The following PXDNL variants were observed in gnomAD, a reference collection of about 807,000 sequenced individuals.
The protein encoded by PXDNL is probable oxidoreductase PXDNL.
Under a neutral mutation model 150.8 loss-of-function variants are expected in PXDNL, and 145 were observed. That is an observed-to-expected ratio of 0.96 (90% CI 0.84 to 1.10). PXDNL has a LOEUF of 1.10. PXDNL is among the 50% of genes least tolerant of loss of function. The pLI, the probability that PXDNL is intolerant of heterozygous loss-of-function variation, is 0.00. For missense variants in PXDNL, 2,087 were observed against 1,873.9 expected (o/e 1.11, Z -2.10); for synonymous variants, 757 against 725.7 (o/e 1.04, Z -0.69).
intron 7 of PXDNL, among the ~76,000 whole-genome samples, chr8:51,473,129 T>A (rs1810383990): frequency 6.6e-6 from 1 of 152,148 alleles, no homozygotes; most frequent in Non-Finnish European, 1.5e-5. Flanking sequence ...AGATAAATGA[T>A]TTTATTCATT....
intron 17 of PXDNL, among the ~76,000 whole-genome samples, chr8:51,394,551 T>C (rs1357808277): frequency 6.6e-6 from 1 of 152,206 alleles, no homozygotes; most frequent in African/African-American, 2.4e-5. Context: ...GGGTGGCTAG[T>C]ATACCCTTGG....
chr8:51,538,595 G>A lies in PXDNL; in HGVS notation c.380+18245C>T, dbSNP rs986398937. ...AGGCTGGCCAACATGATGAAACCTC[G>A]TCTCTACTAAAAATACAAAAAATTA... is the stretch of plus-strand genomic sequence containing the variant. On this transcript the variant is annotated intron_variant, in intron 4 of 22. Transcript: ENST00000356297. Among the ~76,000 whole-genome samples, 13 of 152,010 alleles carry A rather than the reference G, an allele frequency of 8.6e-5. No homozygotes were observed. The Middle Eastern group carries it at 0.01, about 119-fold the overall frequency.
At chr8:51,604,261 A>C (rs1054616377) in intron 2 of PXDNL, among the ~76,000 whole-genome samples, 3 of 152,214 alleles carry the variant, frequency 2.0e-5, no homozygotes, top group Non-Finnish European at 4.4e-5. Context: ...AATGTCCAAC[A>C]ACAATAGACT....
chr8:51,498,285 G>A (rs1228109190), intron 5 of PXDNL, among the ~76,000 whole-genome samples: 2 of 125,612 alleles, frequency 1.6e-5, no homozygotes, highest in African/African-American at 5.9e-5. Flanking sequence ...CTGTTGTGGG[G>A]TCGGGGGAGG....
intron 2 of PXDNL, among the ~76,000 whole-genome samples, chr8:51,620,352 G>A (rs903152050): frequency 9.9e-5 from 15 of 152,082 alleles, no homozygotes; most frequent in African/African-American, 3.6e-4. Context: ...GGAAAATAAA[G>A]AAGTTTCCAA....
intron 1 of PXDNL, among the ~76,000 whole-genome samples, chr8:51,780,367 A>C (rs2037398867): frequency 6.6e-6 from 1 of 152,178 alleles, no homozygotes; most frequent in Non-Finnish European, 1.5e-5. Context: ...TATTTTCTCA[A>C]AGAAAATTCT....
At chr8:51,345,258 T>A (rs1170167385) in intron 20 of PXDNL, among the ~76,000 whole-genome samples, 6 of 152,210 alleles carry the variant, frequency 3.9e-5, no homozygotes, top group African/African-American at 1.4e-4. Flanking sequence ...TTTCAGAAGC[T>A]TCCAAGTCAA....
intron 1 of PXDNL, among the ~76,000 whole-genome samples, chr8:51,753,454 C>T (rs373401688): frequency 6.6e-6 from 1 of 152,160 alleles, no homozygotes; most frequent in East Asian, 1.9e-4. Context: ...ATTTCAAGTG[C>T]TCATAAACTG....
rs1024737333 is a variant in PXDNL, at chr8:51,709,608, A to G, written c.165-54848T>C. ...AAGAAACTGACCAGACAAGAGCACA[A>G]GAATGCAAACTCATCACAGTATTGT... On this transcript the variant is annotated intron_variant, in intron 1 of 22. Transcript: ENST00000356297. Among the ~76,000 whole-genome samples the G allele has an allele frequency of 5.9e-5, 9 of 152,334 alleles. No individual in the cohort carries two copies. The South Asian group carries it at 1.9e-3, about 32-fold the overall frequency.
intron 2 of PXDNL, among the ~76,000 whole-genome samples, chr8:51,643,830 C>T (rs1377695171): frequency 6.6e-6 from 1 of 152,102 alleles, no homozygotes; most frequent in African/African-American, 2.4e-5. Flanking sequence ...CTAGAAAGAA[C>T]TCAAACAAAT....
chr8:51,627,335 G>T (rs1814381773), intron 2 of PXDNL, among the ~76,000 whole-genome samples: 1 of 152,100 alleles, frequency 6.6e-6, no homozygotes, highest in Admixed American at 6.6e-5. Context: ...TTAATAGGAA[G>T]TCAGCTATTT....
chr8:51,537,570 AG>A (rs929313886), intron 4 of PXDNL, among the ~76,000 whole-genome samples: 38 of 152,310 alleles, frequency 2.5e-4, no homozygotes, highest in African/African-American at 9.1e-4. Context: ...AAAGAGCAAC[AG>A]GGGGGAAGAG....
chr8:51,472,750 G>A (rs762990206), intron 7 of PXDNL, among the ~76,000 whole-genome samples: 1 of 152,166 alleles, frequency 6.6e-6, no homozygotes, highest in Non-Finnish European at 1.5e-5. Flanking sequence ...AAAACTGGTT[G>A]AGCAAAATTC....
chr8:51,604,153 A>G (rs1813790752), intron 2 of PXDNL, among the ~76,000 whole-genome samples: 2 of 152,220 alleles, frequency 1.3e-5, no homozygotes, highest in Admixed American at 1.3e-4. Context: ...TACTGGGTAT[A>G]TACCCAAAGG....
rs1190265157 is a variant in PXDNL, at chr8:51,535,499, T to TA, written c.380+21340dup. Among the ~76,000 whole-genome samples, 29 of 120,860 alleles carry TA rather than the reference T, an allele frequency of 2.4e-4. 1 individual carries two copies. Among genetic ancestry groups the TA allele is most frequent in the Non-Finnish European group, 3.8e-4 (23 of 60,920 alleles). The allele number at this position is 120,860 out of a possible 152,430, so 79.3% of individuals were successfully genotyped here. On this transcript the variant is annotated intron_variant, in intron 4 of 22. Transcript: ENST00000356297. ...AAGGGCGGTGCAAGATGTGCTTTGT[T>TA]AAACAGATGCTTGAAGGCAGCATGC...
At chr8:51,574,399 T>C (rs1813008223) in intron 3 of PXDNL, among the ~76,000 whole-genome samples, 1 of 151,832 alleles carries the variant, frequency 6.6e-6, no homozygotes, top group African/African-American at 2.4e-5. Context: ...CATTAAAATA[T>C]ACACCGAGTC....
intron 2 of PXDNL, among the ~76,000 whole-genome samples, chr8:51,618,640 C>T (rs1329903139): frequency 6.6e-6 from 1 of 152,186 alleles, no homozygotes; most frequent in African/African-American, 2.4e-5. Context: ...GAAGAATAAA[C>T]TTGAAATCAA....
chr8:51,400,824 A>G (rs182396000), intron 17 of PXDNL, among the ~76,000 whole-genome samples: 5 of 152,348 alleles, frequency 3.3e-5, no homozygotes, highest in Admixed American at 2.0e-4. Flanking sequence ...ATCATAGTTC[A>G]TTGATGCCAC....
At chr8:51,628,682 C>T (rs1189546819) in intron 2 of PXDNL, among the ~76,000 whole-genome samples, 8 of 151,710 alleles carry the variant, frequency 5.3e-5, no homozygotes, top group African/African-American at 7.3e-5. Context: ...GGATTACAGA[C>T]GTGAGCCACC....
Sources: gnomAD v4.1 joint callset for allele counts (sites outside exome capture counted in the v4.1 genomes callset) on GRCh38, gnomAD v4.1.1 for gene constraint, MANE v1.5 for transcripts, NCBI Gene and HGNC (gene_info 2026-07-23, HGNC 2026-07-21) for gene names.